CNTNAP2: variants seen among roughly 807,000 people sequenced by gnomAD.
The protein encoded by CNTNAP2 is contactin associated protein 2, also known as contactin-associated protein-like 2.
A neutral mutation model predicts 155.2 loss-of-function variants in CNTNAP2; 98 were observed. That is an observed-to-expected ratio of 0.63 (90% CI 0.54 to 0.75). The LOEUF (loss-of-function observed/expected upper bound fraction) is 0.75, where lower values mean the gene tolerates loss of function less well. Among genes scored for constraint, CNTNAP2 ranks in the 30% least tolerant of loss-of-function variants. The pLI is 0.00. For synonymous variants in CNTNAP2, 651 were observed against 631.2 expected, an observed-to-expected ratio of 1.03 and a Z score of -0.47; for missense variants, 1,727 against 1,688.1, an observed-to-expected ratio of 1.02 and a Z score of -0.40.
Position 146,569,064 on chromosome 7 carries a change from T to G in CNTNAP2, c.98-205207T>G, listed in dbSNP as rs181839633. ...AGGAGTCTCGCTCTGTCGCCCAGGC[T>G]GGAGTGCAGTGGCGCAATCTTGGCT... On this transcript the variant is annotated intron_variant, in intron 1 of 23. Transcript: ENST00000361727. Among the ~76,000 whole-genome samples, 1,025 of 152,242 alleles carry G rather than the reference T, an allele frequency of 6.7e-3. 10 individuals are homozygous for G. Among genetic ancestry groups the G allele is most frequent in the African/African-American group, 0.024 (979 of 41,568 alleles).
chr7:146,920,207 C>T (rs142332085), intron 3 of CNTNAP2, among the ~76,000 whole-genome samples: 4 of 151,988 alleles, frequency 2.6e-5, no homozygotes, highest in Middle Eastern at 3.4e-3. Flanking sequence ...TGAGGTCAGG[C>T]GTTCAAGACC....
intron 1 of CNTNAP2, among the ~76,000 whole-genome samples, chr7:146,409,180 A>G (rs1034751810): frequency 6.6e-6 from 1 of 152,188 alleles, no homozygotes; most frequent in Non-Finnish European, 1.5e-5. Context: ...ACGTCATTTT[A>G]ATTTTGAGTC....
intron 21 of CNTNAP2, among the ~76,000 whole-genome samples, chr7:148,295,584 C>T (rs1034138527): frequency 1.1e-4 from 15 of 141,138 alleles, no homozygotes; most frequent in South Asian, 2.3e-4. Flanking sequence ...CTCCGCCTCC[C>T]GGGTTCACCC....
chr7:146,224,235 T>C lies in CNTNAP2; in HGVS notation c.97+107262T>C, dbSNP rs540636588. Among the ~76,000 whole-genome samples, 9 of 152,232 alleles carry C rather than the reference T, an allele frequency of 5.9e-5. No homozygotes were observed. The South Asian group carries it at 1.9e-3, about 32-fold the overall frequency. The stretch of plus-strand genomic sequence containing the variant: ...TCTCTATCTGTAGCACAACCTCACA[T>C]AGGGAGGGACCATGTGCTGGTCAGG... On this transcript the variant is annotated intron_variant, in intron 1 of 23. Transcript: ENST00000361727.
In CNTNAP2 at chr7:147,737,406, G is replaced by A. The variant is rs536898971; in HGVS notation, c.2098+98100G>A. 2.2e-3 allele frequency among the ~76,000 whole-genome samples: 335 copies of A among 152,246 alleles called. 3 individuals carry two copies. The highest frequency in any genetic ancestry group is 7.4e-3 in the African/African-American group (309 of 41,548). On this transcript the variant is annotated intron_variant, in intron 13 of 23. Coordinates refer to ENST00000361727, the MANE Select transcript of CNTNAP2 (RefSeq NM_014141.6). ...GAAGTTTCATCTCAGAGGGGTACCC[G>A]GCCGGGTGAGGTGTCAGTCTGCCCC... is the stretch of plus-strand genomic sequence containing the variant.
intron 21 of CNTNAP2, among the ~76,000 whole-genome samples, chr7:148,373,562 G>A (rs1198890180): frequency 1.3e-5 from 2 of 152,062 alleles, no homozygotes; most frequent in Non-Finnish European, 2.9e-5. Flanking sequence ...TAATCTCCTG[G>A]GACCACCCTC....
chr7:147,482,770 G>T (rs868279517), intron 10 of CNTNAP2, among the ~76,000 whole-genome samples: 8 of 150,240 alleles, frequency 5.3e-5, no homozygotes, highest in South Asian at 4.2e-4. Flanking sequence ...AATCGGCCGG[G>T]GGCTGTGGCT....
At chr7:146,303,629 A>G (rs1800654254) in intron 1 of CNTNAP2, among the ~76,000 whole-genome samples, 2 of 152,086 alleles carry the variant, frequency 1.3e-5, no homozygotes, top group Non-Finnish European at 2.9e-5. Context: ...CTGTGGTCTG[A>G]GAGACAGTTT....
At chr7:146,714,631 G>A (rs1801155721) in intron 1 of CNTNAP2, among the ~76,000 whole-genome samples, 1 of 152,068 alleles carries the variant, frequency 6.6e-6, no homozygotes, top group Non-Finnish European at 1.5e-5. Context: ...ATGGTCATAG[G>A]AACATAGAAT....
chr7:148,391,838 C>T (rs1799356982), intron 22 of CNTNAP2, among the ~76,000 whole-genome samples: 1 of 152,084 alleles, frequency 6.6e-6, no homozygotes, highest in African/African-American at 2.4e-5. Flanking sequence ...GAGTCTGATC[C>T]CATAAATTTC....
At chr7:146,739,393 T>C (rs1300770334) in intron 1 of CNTNAP2, among the ~76,000 whole-genome samples, 4 of 152,060 alleles carry the variant, frequency 2.6e-5, no homozygotes, top group African/African-American at 9.6e-5. Flanking sequence ...TTCATGAACA[T>C]TTTTTCACAG....
chr7:147,786,620 C>T (rs1443186896), intron 13 of CNTNAP2, among the ~76,000 whole-genome samples: 2 of 152,078 alleles, frequency 1.3e-5, no homozygotes. Context: ...GGAGGGAAGA[C>T]TTGCAAGGGA....
At chr7:146,677,491 C>T (rs1433848792) in intron 1 of CNTNAP2, among the ~76,000 whole-genome samples, 1 of 152,006 alleles carries the variant, frequency 6.6e-6, no homozygotes, top group Non-Finnish European at 1.5e-5. Flanking sequence ...CTTCGGAATG[C>T]CCTTGGCTGA....
chr7:147,913,288 G>A (rs960497745), intron 14 of CNTNAP2, among the ~76,000 whole-genome samples: 1 of 152,146 alleles, frequency 6.6e-6, no homozygotes, highest in Non-Finnish European at 1.5e-5. Context: ...ACTTCGCAAG[G>A]AATATTCCAT....
chr7:148,407,703 T>TAAAAA (rs57666141), intron 22 of CNTNAP2, among the ~76,000 whole-genome samples: 1,651 of 92,714 alleles, frequency 0.018, 52 homozygotes, highest in African/African-American at 0.053. Flanking sequence ...GACCAAATCT[T>TAAAAA]AAAAAAAAAA....
At chr7:148,330,889 GATGGATGGA>G in intron 21 of CNTNAP2, among the ~76,000 whole-genome samples, 1 of 100,974 alleles carries the variant, frequency 9.9e-6, no homozygotes, top group Non-Finnish European at 2.6e-5. Context: ...GGATGGAATG[GATGGATGGA>G]ATGGACGGAT....
intron 4 of CNTNAP2, chr7:147,081,597 G>GTT (rs2129268526): frequency 6.7e-6 from 1 of 149,758 alleles, no homozygotes; most frequent in South Asian, 2.1e-4. Context: ...GTGTGTGTGT[G>GTT]TGTGTGTGTG....
At chr7:146,162,412 A>G (rs1798238309) in intron 1 of CNTNAP2, among the ~76,000 whole-genome samples, 1 of 152,244 alleles carries the variant, frequency 6.6e-6, no homozygotes, top group Admixed American at 6.5e-5. Flanking sequence ...AAAAATGCTC[A>G]TCATCACTGG....
chr7:148,124,541 G>C (rs568787370), intron 16 of CNTNAP2, among the ~76,000 whole-genome samples: 115 of 152,256 alleles, frequency 7.6e-4, no homozygotes, highest in Non-Finnish European at 1.4e-3. Context: ...AGGCGCTGGG[G>C]AAGCTGAGGT....
Sources: allele counts gnomAD v4.1 joint callset (sites outside exome capture counted in the v4.1 genomes callset), GRCh38; gene constraint gnomAD v4.1.1; transcripts MANE v1.5; gene names NCBI Gene and HGNC (gene_info 2026-07-23, HGNC 2026-07-21).